The following PLD5 variants were observed in gnomAD, a reference collection of about 807,000 sequenced individuals.
PLD5 encodes inactive phospholipase D5.
In PLD5, 36 loss-of-function variants were observed where a neutral mutation model predicts 61.1. That is an observed-to-expected ratio of 0.59 (90% CI 0.45 to 0.78). PLD5 has a LOEUF of 0.78. Among genes scored for constraint, PLD5 ranks in the 30% least tolerant of loss-of-function variants. PLD5 has a pLI of 0.00. For missense variants in PLD5, 515 were observed against 644.4 expected, an observed-to-expected ratio of 0.80 and a Z score of 2.17; for synonymous variants, 243 against 242.8, an observed-to-expected ratio of 1.00 and a Z score of -0.01.
intron 6 of PLD5, among the ~76,000 whole-genome samples, chr1:242,118,585 A>G (rs1465315422): frequency 6.6e-6 from 1 of 152,206 alleles, no homozygotes; most frequent in Non-Finnish European, 1.5e-5. Context: ...TGCTTCATAA[A>G]TGCATAAATG....
chr1:242,190,362 G>T (rs1558323429), intron 5 of PLD5, among the ~76,000 whole-genome samples: 1 of 151,644 alleles, frequency 6.6e-6, no homozygotes, highest in Non-Finnish European at 1.5e-5. Context: ...TAGCCAGGAT[G>T]GTCTCGATCT....
chr1:242,529,040 T>A (rs1015925385), upstream of PLD5, among the ~76,000 whole-genome samples: 2 of 152,344 alleles, frequency 1.3e-5, no homozygotes, highest in South Asian at 2.1e-4. Flanking sequence ...ATGGCTCTAT[T>A]CTTTGTTGTC....
chr1:242,527,722 T>C (rs937392075), upstream of PLD5, among the ~76,000 whole-genome samples: 6 of 152,190 alleles, frequency 3.9e-5, no homozygotes, highest in African/African-American at 1.4e-4. Flanking sequence ...TTGTTGACCT[T>C]CAAAAGAATA....
intron 5 of PLD5, among the ~76,000 whole-genome samples, chr1:242,132,537 G>A (rs1364485600): frequency 6.6e-6 from 1 of 152,168 alleles, no homozygotes; most frequent in East Asian, 1.9e-4. Context: ...GTTAGCTGCT[G>A]ATTTATATTC....
intron 1 of PLD5, among the ~76,000 whole-genome samples, chr1:242,462,023 T>C (rs1238927213): frequency 6.6e-6 from 1 of 152,244 alleles, no homozygotes; most frequent in Non-Finnish European, 1.5e-5. Context: ...TACAGAGCTG[T>C]ATGTTTGCTC....
intron 4 of PLD5, among the ~76,000 whole-genome samples, chr1:242,226,804 G>T (rs1670975430): frequency 6.6e-6 from 1 of 152,146 alleles, no homozygotes. Flanking sequence ...TTTTGGAGGG[G>T]TTCTGTTTCT....
intron 4 of PLD5, among the ~76,000 whole-genome samples, chr1:242,246,361 G>A (rs1282025290): frequency 6.6e-6 from 1 of 152,006 alleles, no homozygotes; most frequent in African/African-American, 2.4e-5. Context: ...GCCAGACCCT[G>A]TCTCCAATAA....
intron 7 of PLD5, among the ~76,000 whole-genome samples, chr1:242,113,382 C>T (rs12138344): frequency 0.19 from 29,614 of 152,046 alleles, 3,045 homozygotes; most frequent in Non-Finnish European, 0.22. Context: ...CGTGAGCCAC[C>T]GCACATGGCC....
At chr1:242,220,217 A>G (rs1670480295) in intron 4 of PLD5, 102 bp from the exon 5 acceptor site, 6 of 1,434,000 alleles carry the variant, frequency 4.2e-6, no homozygotes, top group South Asian at 2.6e-5. Flanking sequence ...ATTTGTCCCA[A>G]TTGACATTTA....
At chr1:242,320,180 CA>C (rs77415056) in intron 2 of PLD5, among the ~76,000 whole-genome samples, 15,473 of 152,108 alleles carry the variant, frequency 0.1, 1,108 homozygotes, top group East Asian at 0.29. Context: ...AATATAAATA[CA>C]AAAAAATTAA....
intron 1 of PLD5, among the ~76,000 whole-genome samples, chr1:242,474,390 C>T (rs1416182687): frequency 1.3e-5 from 2 of 152,174 alleles, no homozygotes; most frequent in Non-Finnish European, 2.9e-5. Context: ...TACTTCCCCT[C>T]ACTATCCCAT....
chr1:242,112,323 G>GTATA (rs1491036599), intron 7 of PLD5, among the ~76,000 whole-genome samples: 6 of 80,628 alleles, frequency 7.4e-5, no homozygotes, highest in South Asian at 1.2e-3. Flanking sequence ...GTGTGTGTGT[G>GTATA]TATGTATGTA....
intron 1 of PLD5, among the ~76,000 whole-genome samples, chr1:242,477,398 C>A (rs1281761389): frequency 6.6e-6 from 1 of 152,156 alleles, no homozygotes; most frequent in East Asian, 1.9e-4. Flanking sequence ...GGTGCAAGAT[C>A]AGTAAAGCTG....
chr1:242,090,836 G>GGGA (rs1659766298), intron 9 of PLD5, among the ~76,000 whole-genome samples: 1 of 152,196 alleles, frequency 6.6e-6, no homozygotes, highest in Admixed American at 6.5e-5. Context: ...GAGAACTGTG[G>GGGA]GGAGGGATCT....
At chr1:242,336,683 T>C (rs1030540075) in intron 2 of PLD5, among the ~76,000 whole-genome samples, 40 of 152,312 alleles carry the variant, frequency 2.6e-4, no homozygotes, top group African/African-American at 7.9e-4. Context: ...ACACAGGGCC[T>C]GCATTTCATT....
At chr1:242,287,879 C>T (rs190772743) in intron 3 of PLD5, among the ~76,000 whole-genome samples, 37 of 152,134 alleles carry the variant, frequency 2.4e-4, no homozygotes, top group East Asian at 1.9e-4. Flanking sequence ...ATACGACAGT[C>T]GAGAAAAACA....
At chr1:242,267,008 C>A (rs1244637788) in intron 3 of PLD5, among the ~76,000 whole-genome samples, 1 of 151,642 alleles carries the variant, frequency 6.6e-6, no homozygotes, top group Non-Finnish European at 1.5e-5. Context: ...TCCCAGCTAC[C>A]CTGGAGGCTG....
intron 1 of PLD5, among the ~76,000 whole-genome samples, chr1:242,462,672 AC>A (rs1667155888): frequency 6.6e-6 from 1 of 151,836 alleles, no homozygotes; most frequent in Non-Finnish European, 1.5e-5. Flanking sequence ...CTGGACTGTA[AC>A]CCTCTCCAGG....
chr1:242,512,338 T>C (rs896987334), intron 1 of PLD5, among the ~76,000 whole-genome samples: 27 of 147,060 alleles, frequency 1.8e-4, no homozygotes, highest in African/African-American at 6.6e-4. Flanking sequence ...GAGAATGGCA[T>C]GAACCTGAGA....
Sources: gnomAD v4.1 joint callset for allele counts (sites outside exome capture counted in the v4.1 genomes callset) on GRCh38, gnomAD v4.1.1 for gene constraint, MANE v1.5 for transcripts, NCBI Gene and HGNC (gene_info 2026-07-23, HGNC 2026-07-21) for gene names.